Variants in GPT2 observed in about 807,000 individuals in gnomAD.
GPT2 encodes alanine aminotransferase 2.
Under a neutral mutation model 56.9 loss-of-function variants are expected in GPT2, and 30 were observed. The ratio of observed to expected loss-of-function variants is 0.53; its 90% CI spans 0.39 to 0.72. The LOEUF (loss-of-function observed/expected upper bound fraction) is 0.72. Ranked by LOEUF, GPT2 falls within the 30% of genes least tolerant of loss-of-function variation. The probability of loss-of-function intolerance (pLI) is 0.00; values close to 1 mark genes in which losing one functional copy is unlikely to be tolerated. For missense variants in GPT2, 542 were observed against 703.4 expected, an observed-to-expected ratio of 0.77 and a Z score of 2.60; for synonymous variants, 271 against 283.1, an observed-to-expected ratio of 0.96 and a Z score of 0.43.
intron 5 of GPT2, among the ~76,000 whole-genome samples, chr16:46,907,869 C>G (rs1451604909): frequency 6.7e-6 from 1 of 149,458 alleles, no homozygotes; most frequent in African/African-American, 2.4e-5. Context: ...CCGATGGGGT[C>G]GGGGAGGGCT....
At chr16:46,891,773 C>T (rs1960588516) in intron 2 of GPT2, among the ~76,000 whole-genome samples, 1 of 151,312 alleles carries the variant, frequency 6.6e-6, no homozygotes, top group African/African-American at 2.4e-5. Context: ...ACAAACAATC[C>T]AATTATATAT....
Position 46,884,920 on chromosome 16 carries a change from G to A in GPT2, c.205G>A (p.Val69Met), listed in dbSNP as rs1960453626. ...GGAGTACGCCGTGCGGGGACCCATC[G>A]TGCTCAAGGCCGGCGAGATCGAGCT... Reference protein sequence around the residue: ...AVEYAVRGPIVLKAGEIELEL... With the variant: ...AVEYAVRGPIMLKAGEIELEL... The change falls in exon 2 of 12, where the codon GTG becomes ATG. Residue 69 changes from valine (V) to methionine (M), a missense_variant. Physicochemically the swap from Val to Met is conservative, Grantham distance 21. Coordinates refer to ENST00000340124, the MANE Select transcript of GPT2 (RefSeq NM_133443.4). The A allele has an allele frequency of 4.6e-6, 7 of 1,537,624 alleles. No individual in the cohort carries two copies. Among genetic ancestry groups the A allele is most frequent in the Non-Finnish European group, 6.1e-6 (7 of 1,140,990 alleles).
At chr16:46,900,343 T>C (rs1960791794) in intron 3 of GPT2, among the ~76,000 whole-genome samples, 2 of 152,124 alleles carry the variant, frequency 1.3e-5, no homozygotes, top group Admixed American at 6.6e-5. Context: ...GCCTGCCCCC[T>C]GCTCTGCAAA....
At chr16:46,928,802 C>G (rs1185268956) in intron 11 of GPT2, 105 bp from the exon 12 acceptor site, 3 of 819,336 alleles carry the variant, frequency 3.7e-6, no homozygotes, top group African/African-American at 3.3e-5. Context: ...CGAAGCAGAC[C>G]AGGCAGACCT....
At chr16:46,895,652 G>A (rs1960672605) in intron 2 of GPT2, among the ~76,000 whole-genome samples, 1 of 152,182 alleles carries the variant, frequency 6.6e-6, no homozygotes, top group African/African-American at 2.4e-5. Flanking sequence ...AGCCTCCCCA[G>A]TAGCTGGGGC....
At chr16:46,896,300 G>A (rs570141597) in intron 2 of GPT2, among the ~76,000 whole-genome samples, 4 of 152,256 alleles carry the variant, frequency 2.6e-5, no homozygotes, top group East Asian at 1.9e-4. Flanking sequence ...CTCTGCTTTC[G>A]CCTTTGCAGC....
At chr16:46,892,462 C>T (rs1960603590) in intron 2 of GPT2, among the ~76,000 whole-genome samples, 1 of 152,170 alleles carries the variant, frequency 6.6e-6, no homozygotes, top group African/African-American at 2.4e-5. Flanking sequence ...AGTGGGACTG[C>T]TGGATCCTAG....
rs1961199274 is a variant in GPT2, at chr16:46,917,776, A to T, written c.901-845A>T. On this transcript the variant is annotated intron_variant, in intron 7 of 11. Coordinates refer to ENST00000340124, the MANE Select transcript of GPT2 (RefSeq NM_133443.4). ...GACACACGTACATAGACACACACACATACATACACACACAGCTTACCCATC... is the reference window on the plus strand; with the variant it reads ...GACACACGTACATAGACACACACACTTACATACACACACAGCTTACCCATC... Among the ~76,000 whole-genome samples the T allele has an allele frequency of 2.0e-5, 3 of 152,112 alleles. No individual in the cohort carries two copies. The South Asian group carries it at 6.2e-4, about 32-fold the overall frequency.
chr16:46,922,214 G>A (rs757769116), intron 8 of GPT2, 28 bp from the exon 9 acceptor site: 2 of 1,608,798 alleles, frequency 1.2e-6, no homozygotes, highest in Admixed American at 1.7e-5. Flanking sequence ...TATAACTGGT[G>A]GTCCTCTCCC....
intron 6 of GPT2, chr16:46,916,175 C>T (rs554125505): frequency 2.6e-5 from 4 of 154,776 alleles, no homozygotes; most frequent in East Asian, 3.8e-4. Flanking sequence ...GGAGAAACCC[C>T]GTCTCTACTA....
intron 2 of GPT2, among the ~76,000 whole-genome samples, chr16:46,885,943 C>T (rs1473393880): frequency 6.6e-6 from 1 of 152,096 alleles, no homozygotes; most frequent in African/African-American, 2.4e-5. Flanking sequence ...TGATCTTGCC[C>T]TCACCCGGGT....
intron 5 of GPT2, 52 bp from the exon 6 acceptor site, chr16:46,909,632 G>C: frequency 6.3e-7 from 1 of 1,588,950 alleles, no homozygotes; most frequent in Non-Finnish European, 8.6e-7. Context: ...GAAAGGCTAG[G>C]TCAGGGATGG....
chr16:46,894,063 C>T (rs1960638236), intron 2 of GPT2, among the ~76,000 whole-genome samples: 1 of 152,220 alleles, frequency 6.6e-6, no homozygotes, highest in African/African-American at 2.4e-5. Context: ...CTGGTTTCTT[C>T]ACCCATTCAG....
chr16:46,897,765 C>T (rs879239334), intron 3 of GPT2, 28 bp downstream of exon 3: 1 of 1,604,654 alleles, frequency 6.2e-7, no homozygotes, highest in East Asian at 2.2e-5. Flanking sequence ...GCAGAGGCTG[C>T]AGGAGGGCAG....
Position 46,884,805 on chromosome 16 carries a change from G to A in GPT2, c.90G>A (p.Glu30=), listed in dbSNP as rs1960449564. 3.3e-6 allele frequency: 5 copies of A among 1,521,950 alleles called. No individual in the cohort carries two copies. The East Asian group carries it at 1.1e-4, about 32-fold the overall frequency. The allele number at this position is 1,521,950 out of a possible 1,614,324, so 94.3% of individuals were successfully genotyped here. A position where few individuals can be genotyped will look rare whatever the true frequency, so the allele number is the denominator to read the frequency against. The change falls in exon 2 of 12, where the codon GAG becomes GAA. Residue 30 remains glutamate (E), a synonymous_variant. Transcript: ENST00000340124. The stretch of plus-strand genomic sequence containing the variant: ...GCAGCCAGAGCAGCGCGGCCGCCGA[G>A]GCCTCGGCGGTGCTCAAGGTGCGGC... ...WGRSQSSAAA[E]ASAVLKVRPE...
At chr16:46,899,426 T>C (rs900660642) in intron 3 of GPT2, among the ~76,000 whole-genome samples, 4 of 151,892 alleles carry the variant, frequency 2.6e-5, no homozygotes, top group African/African-American at 7.2e-5. Flanking sequence ...CCTTGTTCTC[T>C]GGGGCAGAGG....
At chr16:46,897,205 T>G (rs745995507) in intron 2 of GPT2, among the ~76,000 whole-genome samples, 1 of 152,158 alleles carries the variant, frequency 6.6e-6, no homozygotes, top group Non-Finnish European at 1.5e-5. Flanking sequence ...TGAAATCCTG[T>G]CTCTACTAAA....
chr16:46,894,757 C>T (rs370472031), intron 2 of GPT2, among the ~76,000 whole-genome samples: 5 of 152,174 alleles, frequency 3.3e-5, no homozygotes, highest in Admixed American at 3.3e-4. Context: ...GCTCCGCCTC[C>T]CAGCTTCATG....
At chr16:46,898,275 T>C (rs903849718) in intron 3 of GPT2, among the ~76,000 whole-genome samples, 6 of 152,084 alleles carry the variant, frequency 3.9e-5, no homozygotes, top group Admixed American at 3.3e-4. Flanking sequence ...GAGCTCCAGA[T>C]TGGGGACGGC....
Sources: allele counts gnomAD v4.1 joint callset (sites outside exome capture counted in the v4.1 genomes callset), GRCh38; gene constraint gnomAD v4.1.1; transcripts MANE v1.5; gene names NCBI Gene and HGNC (gene_info 2026-07-23, HGNC 2026-07-21).